Variants in PLS1 observed in about 807,000 individuals in gnomAD.
PLS1 encodes the protein plastin-1.
In PLS1, 32 loss-of-function variants were observed where a neutral mutation model predicts 73.7. The ratio of observed to expected loss-of-function variants is 0.43; its 90% CI spans 0.33 to 0.58. The LOEUF is 0.58. Among genes scored for constraint, PLS1 ranks in the 20% least tolerant of loss-of-function variants. The pLI is 0.04. For synonymous variants in PLS1, 217 were observed against 261.3 expected (o/e 0.83, Z 1.63); for missense variants, 633 against 740.5 (o/e 0.85, Z 1.68).
At position 142,684,383 on chromosome 3, in the gene PLS1, C is replaced by A. The variant is rs1170092946; in HGVS notation, c.876C>A (p.Ser292Arg). The A allele has an allele frequency of 5.0e-6, 8 of 1,613,114 alleles. No homozygotes were observed. Among genetic ancestry groups the A allele is most frequent in the South Asian group, 1.1e-5 (1 of 91,004 alleles). ...GATGGCATACCATCAGCAACTTCAG[C>A]CAAGACATTAAGGTTTATATTTAAA... The part of the protein sequence containing the change: ...NAGWHTISNF[S>R]QDIKDSRAYF... Residue 292 changes from serine (S) to arginine (R), a missense_variant, in exon 8 of 16, where the codon AGC becomes AGA. Transcript: ENST00000457734.
chr3:142,615,700 A>T (rs924435587), intron 1 of PLS1, among the ~76,000 whole-genome samples: 2 of 152,044 alleles, frequency 1.3e-5, no homozygotes, highest in East Asian at 3.9e-4. Context: ...GTCTGTTATC[A>T]TGTGAAGGAA....
chr3:142,634,706 A>G (rs2036639462), intron 1 of PLS1, among the ~76,000 whole-genome samples: 1 of 152,308 alleles, frequency 6.6e-6, no homozygotes, highest in South Asian at 2.1e-4. Context: ...GAAAGAACTC[A>G]CCAGCAGCCT....
At chr3:142,705,631 T>C (rs921365111) in intron 14 of PLS1, among the ~76,000 whole-genome samples, 2 of 152,224 alleles carry the variant, frequency 1.3e-5, no homozygotes, top group Non-Finnish European at 2.9e-5. Flanking sequence ...TGAAATAAAG[T>C]ACAAAGAGAT....
Position 142,689,649 on chromosome 3 carries a change from TGCTTCAAGAAGCA to T in PLS1, c.1015_1027del (p.Leu339IlefsTer23). On this transcript the variant is annotated frameshift_variant, in exon 10 of 16. Coordinates refer to ENST00000457734, the MANE Select transcript of PLS1 (RefSeq NM_001145319.2). LOFTEE classifies it high-confidence loss of function. ...AATGACCTGAAGCGTGCTGGACTCA[TGCTTCAAGAAGCA>T]GATAAACTGGGCTGCAAACAGTTTG... 1 of 1,609,620 alleles carries T rather than the reference TGCTTCAAGAAGCA, an allele frequency of 6.2e-7. No homozygotes were observed. The highest frequency in any genetic ancestry group is 8.5e-7 in the Non-Finnish European group (1 of 1,178,222).
chr3:142,615,290 T>C (rs568638205), intron 1 of PLS1, among the ~76,000 whole-genome samples: 1 of 152,300 alleles, frequency 6.6e-6, no homozygotes, highest in African/African-American at 2.4e-5. Context: ...GGTAAAAGCA[T>C]GTTCCACAGG....
At chr3:142,598,216 TTCCCGACCAGGAAG>T (rs1363146727) in intron 1 of PLS1, among the ~76,000 whole-genome samples, 1 of 152,252 alleles carries the variant, frequency 6.6e-6, no homozygotes, top group African/African-American at 2.4e-5. Context: ...ACCTCCCAAC[TTCCCGACCAGGAAG>T]TTGGCAGGTT....
chr3:142,597,698 G>C (rs2035837169), intron 1 of PLS1, among the ~76,000 whole-genome samples: 1 of 152,168 alleles, frequency 6.6e-6, no homozygotes, highest in South Asian at 2.1e-4. Flanking sequence ...TAGATGACTT[G>C]CTGTGGCCAC....
At chr3:142,628,669 T>C (rs1438548171) in intron 1 of PLS1, among the ~76,000 whole-genome samples, 2 of 152,180 alleles carry the variant, frequency 1.3e-5, no homozygotes, top group African/African-American at 4.8e-5. Flanking sequence ...TAGTCTTTGG[T>C]TTTAGGCCAC....
chr3:142,689,024 A>G (rs1018670907), intron 9 of PLS1, among the ~76,000 whole-genome samples: 3 of 152,186 alleles, frequency 2.0e-5, no homozygotes, highest in African/African-American at 7.2e-5. Context: ...TAGTGCAACC[A>G]GTAGGAGCTT....
At chr3:142,653,209 G>A (rs1164759717) in intron 1 of PLS1, among the ~76,000 whole-genome samples, 4 of 152,008 alleles carry the variant, frequency 2.6e-5, no homozygotes, top group African/African-American at 7.3e-5. Context: ...TTTTCTTCAC[G>A]TCTTTGGTCT....
chr3:142,684,604 C>A (rs2037925427), intron 8 of PLS1, among the ~76,000 whole-genome samples: 5 of 152,162 alleles, frequency 3.3e-5, no homozygotes, highest in Admixed American at 3.3e-4. Context: ...TTAATAAGAA[C>A]TACAACTGAC....
intron 10 of PLS1, among the ~76,000 whole-genome samples, chr3:142,694,058 G>A (rs940638407): frequency 3.3e-5 from 5 of 151,878 alleles, no homozygotes; most frequent in South Asian, 4.2e-4. Context: ...ACACTGCACC[G>A]AGAAAGGTAT....
rs1043311013 is a variant in PLS1 at position 142,679,754 on chromosome 3, C to T, written c.579+1641C>T. On this transcript the variant is annotated intron_variant, in intron 6 of 15. Transcript: ENST00000457734. ...TTGGCTTAGGATTGACTTGGCAATGCGGGCTCTTTTTTGGTTCCATATGAA... is the reference window on the plus strand; with the variant it reads ...TTGGCTTAGGATTGACTTGGCAATGTGGGCTCTTTTTTGGTTCCATATGAA... Among the ~76,000 whole-genome samples, 358 of 152,142 alleles carry T rather than the reference C, an allele frequency of 2.4e-3. 1 individual carries two copies. The highest frequency in any genetic ancestry group is 4.6e-3 in the South Asian group (22 of 4,810).
In PLS1 at chr3:142,684,245, G is replaced by A; in HGVS notation, c.746-8G>A. 6.2e-7 allele frequency: 1 copy of A among 1,614,008 alleles called. No individual in the cohort carries two copies. The highest frequency in any genetic ancestry group is 8.5e-7 in the Non-Finnish European group (1 of 1,179,958). On this transcript the variant is annotated splice_region_variant and splice_polypyrimidine_tract_variant and intron_variant, in intron 7 of 15. Transcript: ENST00000457734. ...GGAAGAATTTACATTTCGCTGTTTT[G>A]CCCTCAGCTCTGATTGCATTGTTAA...
chr3:142,708,059 A>T (rs1212245597), intron 14 of PLS1, among the ~76,000 whole-genome samples: 1 of 152,112 alleles, frequency 6.6e-6, no homozygotes, highest in Non-Finnish European at 1.5e-5. Flanking sequence ...AGACTACATA[A>T]GTTAACAAAA....
intron 13 of PLS1, 134 bp from the exon 14 acceptor site, chr3:142,704,329 A>C: frequency 1.4e-6 from 1 of 723,604 alleles, no homozygotes; most frequent in Non-Finnish European, 2.2e-6. Flanking sequence ...AACTGGGTGC[A>C]AATGCCAGAC....
At chr3:142,677,965 G>C (rs2037757228) in intron 5 of PLS1, 67 bp from the exon 6 acceptor site, 1 of 709,254 alleles carries the variant, frequency 1.4e-6, no homozygotes, top group Middle Eastern at 3.4e-4. Flanking sequence ...TATTTTGGCT[G>C]TTTGCAATAA....
intron 1 of PLS1, among the ~76,000 whole-genome samples, chr3:142,605,265 G>A (rs975365183): frequency 6.6e-6 from 1 of 152,238 alleles, no homozygotes; most frequent in African/African-American, 2.4e-5. Context: ...TCACTGATAA[G>A]TGGCCAAGAC....
Position 142,685,878 on chromosome 3 carries a change from ATCACTGTTTACT to A in PLS1, c.889-404_889-393del, listed in dbSNP as rs1276111206. The stretch of plus-strand genomic sequence containing the variant: ...TGACATTAGATGATTTAATAGTGTG[ATCACTGTTTACT>A]TATTAAGATAGGCAAGGGGTGCTGT... On this transcript the variant is annotated intron_variant, in intron 8 of 15. Transcript: ENST00000457734. Among the ~76,000 whole-genome samples the A allele has an allele frequency of 3.3e-5, 5 of 152,356 alleles. No individual in the cohort carries two copies. In the East Asian group the frequency reaches 9.6e-4, roughly 29 times the overall value.
Sources: gnomAD v4.1 joint callset for allele counts (sites outside exome capture counted in the v4.1 genomes callset) on GRCh38, gnomAD v4.1.1 for gene constraint, MANE v1.5 for transcripts, NCBI Gene and HGNC (gene_info 2026-07-23, HGNC 2026-07-21) for gene names.